Variants in PUM1 observed in about 807,000 individuals in gnomAD.
PUM1 encodes the protein pumilio RNA binding family member 1.
A neutral mutation model predicts 131.8 loss-of-function variants in PUM1; 13 were observed. The ratio of observed to expected loss-of-function variants is 0.10; its 90% CI spans 0.06 to 0.16. PUM1 has a LOEUF of 0.16. Among genes scored for constraint, PUM1 ranks in the 10% least tolerant of loss-of-function variants. PUM1 has a pLI of 1.00. For synonymous variants in PUM1, 509 were observed against 556.5 expected (o/e 0.91, Z 1.20); for missense variants, 961 against 1,512.4 (o/e 0.64, Z 6.05).
chr1:31,057,829 GAAGT>G (rs1442002750), intron 2 of PUM1, among the ~76,000 whole-genome samples: 3 of 151,068 alleles, frequency 2.0e-5, no homozygotes, highest in Non-Finnish European at 4.4e-5. Flanking sequence ...GATTTTTTCT[GAAGT>G]AAAACAGAAG....
chr1:30,933,066 G>T lies in PUM1; in HGVS notation c.*145C>A. 9.9e-7 allele frequency: 1 copy of T among 1,006,344 alleles called. No individual in the cohort carries two copies. Among genetic ancestry groups the T allele is most frequent in the Non-Finnish European group, 1.4e-6 (1 of 699,150 alleles). The allele number at this position is 1,006,344 out of a possible 1,614,324, so 62.3% of individuals were successfully genotyped here. ...CAAAGGCTTTTCCACTCGTGGATTT[G>T]ATTCCTTTTTTGGAGGAGGGAGTAA... On this transcript the variant is annotated 3_prime_UTR_variant, in exon 22 of 22. Transcript: ENST00000426105.
intron 3 of PUM1, among the ~76,000 whole-genome samples, chr1:31,023,821 C>CA (rs1452487021): frequency 6.7e-6 from 1 of 148,938 alleles, no homozygotes; most frequent in Non-Finnish European, 1.5e-5. Flanking sequence ...CCCAGCCACT[C>CA]AAGAGGCTGA....
At chr1:31,033,570 T>C (rs1643511016) in intron 2 of PUM1, among the ~76,000 whole-genome samples, 1 of 152,074 alleles carries the variant, frequency 6.6e-6, no homozygotes. Context: ...TTTACCATGT[T>C]GCCCAGGCAG....
chr1:31,040,490 A>G (rs1643780682), intron 2 of PUM1, among the ~76,000 whole-genome samples: 1 of 152,224 alleles, frequency 6.6e-6, no homozygotes, highest in Non-Finnish European at 1.5e-5. Flanking sequence ...ACATAAATAA[A>G]AATAGCACTA....
chr1:30,987,416 C>T (rs536194420), intron 7 of PUM1, among the ~76,000 whole-genome samples: 4 of 152,036 alleles, frequency 2.6e-5, no homozygotes, highest in Non-Finnish European at 4.4e-5. Context: ...AGGCTGCTCT[C>T]GAACTCCTGA....
intron 3 of PUM1, among the ~76,000 whole-genome samples, chr1:31,023,111 T>G (rs1056152344): frequency 1.3e-5 from 2 of 151,760 alleles, no homozygotes; most frequent in African/African-American, 4.8e-5. Context: ...GAGGTTGAGG[T>G]TGCAGTGAGC....
At chr1:30,987,068 ACTACATT>A (rs1641590806) in intron 7 of PUM1, among the ~76,000 whole-genome samples, 2 of 152,230 alleles carry the variant, frequency 1.3e-5, no homozygotes, top group South Asian at 4.1e-4. Flanking sequence ...TGTGAAACAT[ACTACATT>A]AGGCTATTTT....
intron 3 of PUM1, among the ~76,000 whole-genome samples, chr1:31,021,185 T>G (rs373997937): frequency 6.6e-6 from 1 of 152,238 alleles, no homozygotes; most frequent in East Asian, 1.9e-4. Flanking sequence ...ATTTATTGTT[T>G]GTCTTCTATA....
At chr1:30,946,806 G>A (rs1639696623) in intron 17 of PUM1, among the ~76,000 whole-genome samples, 1 of 152,058 alleles carries the variant, frequency 6.6e-6, no homozygotes, top group South Asian at 2.1e-4. Context: ...CTACTCTGGA[G>A]GCTGAGGTGG....
Position 31,005,798 on chromosome 1 carries a change from AGAGAGAGAG to A in PUM1, c.720+46_720+54del, listed in dbSNP as rs1430118327. ...TTTGCTTTAGGGGAAAAAAAGAGAG[AGAGAGAGAG>A]AGAGAGAGAGAGAGAGATAGGAACA... is the stretch of plus-strand genomic sequence containing the variant. On this transcript the variant is annotated intron_variant, in intron 5 of 21. Coordinates refer to ENST00000426105, the MANE Select transcript of PUM1 (RefSeq NM_001020658.2). 21 of 376,202 alleles carry A rather than the reference AGAGAGAGAG, an allele frequency of 5.6e-5. No homozygotes were observed. The African/African-American group carries it at 3.8e-3, about 69-fold the overall frequency. The allele number at this position is 376,202 out of a possible 1,614,324, so 23.3% of individuals were successfully genotyped here. A position where few individuals can be genotyped will look rare whatever the true frequency, so the allele number is the denominator to read the frequency against.
intron 5 of PUM1, among the ~76,000 whole-genome samples, chr1:31,005,185 T>C (rs965981606): frequency 5.3e-5 from 8 of 152,192 alleles, no homozygotes; most frequent in African/African-American, 1.7e-4. Flanking sequence ...CAGATGCTCA[T>C]AGAAAAATGC....
chr1:31,053,481 T>C (rs1157274162), intron 2 of PUM1, among the ~76,000 whole-genome samples: 1 of 147,930 alleles, frequency 6.8e-6, no homozygotes, highest in East Asian at 2.1e-4. Flanking sequence ...GAGGCCTTTT[T>C]TTTTTTTTGA....
chr1:30,968,235 G>T, intron 11 of PUM1, 119 bp downstream of exon 11: 1 of 1,384,098 alleles, frequency 7.2e-7, no homozygotes, highest in Non-Finnish European at 1.0e-6. Context: ...ATCCTTGCCA[G>T]TCCCCAAATC....
At chr1:31,038,984 A>ATATATATATATATATTTTT in intron 2 of PUM1, among the ~76,000 whole-genome samples, 2 of 49,410 alleles carry the variant, frequency 4.0e-5, no homozygotes, top group Non-Finnish European at 3.1e-5. Flanking sequence ...ATATATATAT[A>ATATATATATATATATTTTT]TTTTTTTTTT....
In PUM1 at chr1:30,974,633, A is replaced by C. The variant is rs1160079182; in HGVS notation, c.1506+18T>G. On this transcript the variant is annotated intron_variant, in intron 10 of 21. Coordinates refer to ENST00000426105, the MANE Select transcript of PUM1 (RefSeq NM_001020658.2). The stretch of plus-strand genomic sequence containing the variant: ...CTACGATTCCCACTTAGAAGAGGTA[A>C]ATTTTGTCTACATTTACCTGCTGCT... The C allele has an allele frequency of 6.3e-7, 1 of 1,586,044 alleles. No individual in the cohort carries two copies. Among genetic ancestry groups the C allele is most frequent in the African/African-American group, 1.3e-5 (1 of 74,432 alleles).
At chr1:31,006,910 G>T in intron 4 of PUM1, 84 bp downstream of exon 4, 1 of 1,029,446 alleles carries the variant, frequency 9.7e-7, no homozygotes, top group Non-Finnish European at 1.5e-6. Flanking sequence ...TGTCACTGAT[G>T]TAAAATTCAT....
intron 7 of PUM1, among the ~76,000 whole-genome samples, chr1:30,991,707 C>G (rs1385086784): frequency 6.6e-6 from 1 of 152,112 alleles, no homozygotes; most frequent in African/African-American, 2.4e-5. Context: ...GACAGCTGAC[C>G]TTTCTTTAAA....
At chr1:31,035,949 A>G (rs1643596360) in intron 2 of PUM1, among the ~76,000 whole-genome samples, 1 of 152,212 alleles carries the variant, frequency 6.6e-6, no homozygotes, top group South Asian at 2.1e-4. Context: ...CAACAACACT[A>G]AACACCAGGC....
intron 2 of PUM1, among the ~76,000 whole-genome samples, chr1:31,057,405 C>CAAAAAA (rs1223950994): frequency 1.9e-4 from 13 of 68,620 alleles, no homozygotes; most frequent in South Asian, 1.1e-3. Context: ...GACCTTGTCT[C>CAAAAAA]AAAAAAAAAA....
Sources: gnomAD v4.1 joint callset for allele counts (sites outside exome capture counted in the v4.1 genomes callset) on GRCh38, gnomAD v4.1.1 for gene constraint, MANE v1.5 for transcripts, NCBI Gene and HGNC (gene_info 2026-07-23, HGNC 2026-07-21) for gene names.